Variants in CCND3 observed in about 807,000 individuals in gnomAD.
The protein encoded by CCND3 is G1/S-specific cyclin-D3.
In CCND3, 9 loss-of-function variants were observed where a neutral mutation model predicts 28.7. The observed-to-expected ratio is 0.31, with a 90% CI of 0.19 to 0.55. The LOEUF (loss-of-function observed/expected upper bound fraction) is 0.55, where lower values mean the gene tolerates loss of function less well. CCND3 is among the 20% of genes least tolerant of loss of function. The pLI is 0.93. For synonymous variants in CCND3, 164 were observed against 163.9 expected (o/e 1.00, Z 0.00); for missense variants, 315 against 385.8 (o/e 0.82, Z 1.54).
intron 1 of CCND3, among the ~76,000 whole-genome samples, chr6:42,041,400 G>A (rs984180580): frequency 6.6e-6 from 1 of 152,232 alleles, no homozygotes; most frequent in African/African-American, 2.4e-5. Context: ...CAGCTGACTG[G>A]AAAGAAGGAA....
Position 41,935,993 on chromosome 6 carries a change from G to A in CCND3, c.826C>T (p.Gln276Ter), listed in dbSNP as rs2127389383. 1 of 1,613,492 alleles carries A rather than the reference G, an allele frequency of 6.2e-7. No individual in the cohort carries two copies. Among genetic ancestry groups the A allele is most frequent in the Non-Finnish European group, 8.5e-7 (1 of 1,179,808 alleles). Residue 276 changes from glutamine (Q) to a stop codon, truncating the protein, a stop_gained, in exon 5 of 5, where the codon CAA (glutamine) becomes TAA (stop). Transcript: ENST00000372991. LOFTEE classifies it high-confidence loss of function. ...APKAPRGSSS[Q>*]GPSQTSTPTD... Reference sequence around the variant, plus strand: ...GGAGTGCTGGTCTGGCTGGGCCCTTGGCTGCTGGAGCCCCGGGGGGCTTTG... The same window carrying A: ...GGAGTGCTGGTCTGGCTGGGCCCTTAGCTGCTGGAGCCCCGGGGGGCTTTG...
At chr6:41,988,230 C>T (rs371384956) in intron 1 of CCND3, among the ~76,000 whole-genome samples, 1 of 151,924 alleles carries the variant, frequency 6.6e-6, no homozygotes, top group Non-Finnish European at 1.5e-5. Flanking sequence ...TGCTTGAACC[C>T]GGGAGGCAGA....
intron 1 of CCND3, among the ~76,000 whole-genome samples, chr6:41,960,232 G>C (rs1761683666): frequency 6.6e-6 from 1 of 152,156 alleles, no homozygotes; most frequent in Non-Finnish European, 1.5e-5. Flanking sequence ...GTGACTGGGT[G>C]GTGGTGATAA....
intron 1 of CCND3, among the ~76,000 whole-genome samples, chr6:41,973,858 TAA>T (rs1762097813): frequency 6.6e-6 from 1 of 152,148 alleles, no homozygotes; most frequent in Non-Finnish European, 1.5e-5. Context: ...GGGTGAGAAT[TAA>T]AAGAGATAAC....
At chr6:42,034,242 G>A (rs1368589472) in intron 1 of CCND3, among the ~76,000 whole-genome samples, 1 of 151,294 alleles carries the variant, frequency 6.6e-6, no homozygotes, top group Non-Finnish European at 1.5e-5. Flanking sequence ...CTGCTTCCTG[G>A]GTTCAAGCAA....
At chr6:41,986,146 G>T (rs1225908688) in intron 1 of CCND3, among the ~76,000 whole-genome samples, 1 of 151,978 alleles carries the variant, frequency 6.6e-6, no homozygotes, top group African/African-American at 2.4e-5. Context: ...TATGTCTATT[G>T]TTATGCCAGT....
chr6:41,955,782 A>T (rs1298555495), intron 1 of CCND3, among the ~76,000 whole-genome samples: 1 of 152,010 alleles, frequency 6.6e-6, no homozygotes, highest in African/African-American at 2.4e-5. Context: ...TCTCTACAAA[A>T]AAAAATTAAT....
At chr6:41,993,706 C>T (rs750902146) in intron 1 of CCND3, among the ~76,000 whole-genome samples, 6 of 151,592 alleles carry the variant, frequency 4.0e-5, no homozygotes, top group Non-Finnish European at 7.4e-5. Flanking sequence ...TTCACTATCA[C>T]GAGGTCAGGA....
intron 1 of CCND3, among the ~76,000 whole-genome samples, chr6:42,046,669 C>G (rs1373436804): frequency 6.6e-6 from 1 of 152,218 alleles, no homozygotes; most frequent in Admixed American, 6.5e-5. Context: ...CACACACACA[C>G]AGCCATCAGG....
intron 1 of CCND3, among the ~76,000 whole-genome samples, chr6:42,026,171 T>C (rs887068903): frequency 6.6e-6 from 1 of 152,194 alleles, no homozygotes; most frequent in African/African-American, 2.4e-5. Context: ...TTGACCTCCC[T>C]GCCTCGACCC....
intron 1 of CCND3, among the ~76,000 whole-genome samples, chr6:42,039,148 G>A (rs991509322): frequency 6.6e-6 from 1 of 152,216 alleles, no homozygotes; most frequent in Non-Finnish European, 1.5e-5. Context: ...TGGCCATGCT[G>A]AGGAATCTTA....
chr6:41,964,337 TGTGAATGTGTGTGA>T (rs1315001921), intron 1 of CCND3, among the ~76,000 whole-genome samples: 1 of 149,616 alleles, frequency 6.7e-6, no homozygotes, highest in Non-Finnish European at 1.5e-5. Context: ...TGAATGTGTG[TGTGAATGTGTGTGA>T]GTCTGTGTGT....
intron 1 of CCND3, among the ~76,000 whole-genome samples, chr6:41,957,632 A>C (rs1776468733): frequency 6.7e-6 from 1 of 148,442 alleles, no homozygotes; most frequent in Middle Eastern, 3.4e-3. Flanking sequence ...GTTTTCTCCC[A>C]AAAAAATGGA....
upstream of CCND3, among the ~76,000 whole-genome samples, chr6:42,049,422 G>C (rs895317931): frequency 1.3e-5 from 2 of 152,206 alleles, no homozygotes; most frequent in Non-Finnish European, 2.9e-5. Flanking sequence ...TTACAGAAGA[G>C]GAAACTGAGA....
intron 1 of CCND3, among the ~76,000 whole-genome samples, chr6:42,039,533 C>T (rs1382350208): frequency 1.3e-5 from 2 of 152,202 alleles, no homozygotes; most frequent in Non-Finnish European, 2.9e-5. Flanking sequence ...CTGAACCACC[C>T]CCTCCAGACT....
At chr6:41,950,228 C>A (rs1776270248) in intron 1 of CCND3, among the ~76,000 whole-genome samples, 1 of 151,992 alleles carries the variant, frequency 6.6e-6, no homozygotes, top group African/African-American at 2.4e-5. Flanking sequence ...ACAGGTAAGA[C>A]TGAGGTGCAC....
At chr6:42,010,597 C>T (rs1398643332) in intron 1 of CCND3, among the ~76,000 whole-genome samples, 5 of 152,154 alleles carry the variant, frequency 3.3e-5, no homozygotes, top group South Asian at 2.1e-4. Flanking sequence ...GCAGCAGGGC[C>T]GGGTTAACTG....
intron 1 of CCND3, among the ~76,000 whole-genome samples, chr6:41,951,445 TCAGC>T (rs1776309311): frequency 3.8e-5 from 1 of 26,314 alleles, no homozygotes; most frequent in Non-Finnish European, 7.3e-5. Flanking sequence ...TCCCAGCTAC[TCAGC>T]TACTCGGGAG....
At position 42,027,895 on chromosome 6, in the gene CCND3, C is replaced by G. The variant is rs527951840; in HGVS notation, c.-46+20606G>C. On this transcript the variant is annotated intron_variant, in intron 1 of 4. Coordinates refer to the CCND3 transcript ENST00000372988. ...CCCAAGTAGCTGGGATTACAGGCTC[C>G]TGCCACCACACCCGGCTAATTTTGT... 2.1e-3 allele frequency among the ~76,000 whole-genome samples: 318 copies of G among 152,190 alleles called. 9 individuals are homozygous for G. In the East Asian group the frequency reaches 0.054, roughly 26 times the overall value.
Sources: gnomAD v4.1 joint callset for allele counts (sites outside exome capture counted in the v4.1 genomes callset) on GRCh38, gnomAD v4.1.1 for gene constraint, MANE v1.5 for transcripts, NCBI Gene and HGNC (gene_info 2026-07-23, HGNC 2026-07-21) for gene names.